Variants in TMEFF1 observed in about 807,000 individuals in gnomAD.
TMEFF1 encodes tomoregulin-1.
A neutral mutation model predicts 47.5 loss-of-function variants in TMEFF1; 20 were observed. The observed-to-expected ratio is 0.42, with a 90% CI of 0.30 to 0.61. TMEFF1 has a LOEUF of 0.61. TMEFF1 is among the 20% of genes least tolerant of loss of function. TMEFF1 has a pLI of 0.19. For missense variants in TMEFF1, 411 were observed against 471.1 expected, an observed-to-expected ratio of 0.87 and a Z score of 1.18; for synonymous variants, 162 against 166.3, an observed-to-expected ratio of 0.97 and a Z score of 0.20.
chr9:100,543,107 T>C (rs1055853687), intron 5 of TMEFF1, among the ~76,000 whole-genome samples: 1 of 152,126 alleles, frequency 6.6e-6, no homozygotes, highest in South Asian at 2.1e-4. Context: ...TTTGTATTTT[T>C]AGTAGAGACA....
intron 1 of TMEFF1, among the ~76,000 whole-genome samples, chr9:100,482,290 C>T (rs1300501684): frequency 1.3e-5 from 2 of 151,930 alleles, no homozygotes; most frequent in Non-Finnish European, 2.9e-5. Context: ...CTCCACCTCC[C>T]AGGTTCAAGC....
intron 5 of TMEFF1, among the ~76,000 whole-genome samples, chr9:100,547,475 A>G (rs1838757404): frequency 6.6e-6 from 1 of 152,184 alleles, no homozygotes; most frequent in Non-Finnish European, 1.5e-5. Context: ...AATTAATGTC[A>G]TTGATATTTG....
chr9:100,548,528 C>T (rs1195834448), intron 6 of TMEFF1, among the ~76,000 whole-genome samples: 1 of 152,206 alleles, frequency 6.6e-6, no homozygotes, highest in East Asian at 1.9e-4. Flanking sequence ...AATTTTCTTT[C>T]CCCAGTAATA....
In TMEFF1 at chr9:100,481,653, G is replaced by T. The variant is rs75193136; in HGVS notation, c.196+7913G>T. Among the ~76,000 whole-genome samples the T allele has an allele frequency of 2.4e-3, 360 of 152,300 alleles. 2 individuals are homozygous for T. Among genetic ancestry groups the T allele is most frequent in the African/African-American group, 8.1e-3 (338 of 41,564 alleles). ...GTTTTAGAAAACAAAGTCTGAAATTGGTGAAGATGGAATGGAGAAGGGAAG... is the reference window on the plus strand; with the variant it reads ...GTTTTAGAAAACAAAGTCTGAAATTTGTGAAGATGGAATGGAGAAGGGAAG... On this transcript the variant is annotated intron_variant, in intron 1 of 9. Coordinates refer to ENST00000374879, the MANE Select transcript of TMEFF1 (RefSeq NM_003692.5).
At chr9:100,520,244 C>G (rs977257692) in intron 5 of TMEFF1, among the ~76,000 whole-genome samples, 3 of 152,088 alleles carry the variant, frequency 2.0e-5, no homozygotes, top group African/African-American at 7.2e-5. Flanking sequence ...CCTGGGAGAT[C>G]TAGGCTGCAG....
At chr9:100,549,932 A>G (rs183949435) in intron 6 of TMEFF1, among the ~76,000 whole-genome samples, 163 bp from the exon 7 acceptor site, 1 of 152,344 alleles carries the variant, frequency 6.6e-6, no homozygotes. Context: ...CTAGAGGCCT[A>G]AGACAGAAAT....
intron 5 of TMEFF1, among the ~76,000 whole-genome samples, chr9:100,544,267 T>C (rs1374097470): frequency 1.3e-5 from 2 of 152,068 alleles, no homozygotes; most frequent in African/African-American, 2.4e-5. Flanking sequence ...TACTAGACAC[T>C]GGGCAATTTG....
chr9:100,516,956 G>A (rs1838085692), intron 5 of TMEFF1, among the ~76,000 whole-genome samples, 185 bp downstream of exon 5: 1 of 152,084 alleles, frequency 6.6e-6, no homozygotes, highest in Non-Finnish European at 1.5e-5. Flanking sequence ...ATCAGTTTAA[G>A]TGTTATAATT....
intron 5 of TMEFF1, among the ~76,000 whole-genome samples, chr9:100,535,177 T>G (rs1436520692): frequency 6.6e-6 from 1 of 152,204 alleles, no homozygotes; most frequent in Non-Finnish European, 1.5e-5. Context: ...AATAGTGCCT[T>G]TATTCCAGGT....
Position 100,473,228 on chromosome 9 carries a change from C to T in TMEFF1, c.-317C>T, listed in dbSNP as rs1837148873. ...AGCAAGAGGCTGGGCCTGCCTCCGGCCCGCGACCCCCGCCCGCCGCGCGCG... is the reference window on the plus strand; with the variant it reads ...AGCAAGAGGCTGGGCCTGCCTCCGGTCCGCGACCCCCGCCCGCCGCGCGCG... On this transcript the variant is annotated 5_prime_UTR_variant, in exon 1 of 10. Transcript: ENST00000374879. This position sits in a 1 kb window ranked among gnomAD's most constrained non-coding sequence, Gnocchi z 5.4. 6.7e-6 allele frequency: 1 copy of T among 149,628 alleles called. No individual in the cohort carries two copies. Among genetic ancestry groups the T allele is most frequent in the Non-Finnish European group, 1.5e-5 (1 of 66,772 alleles). The allele number at this position is 149,628 out of a possible 1,614,324, so 9.3% of individuals were successfully genotyped here. A position where few individuals can be genotyped will look rare whatever the true frequency, so the allele number is the denominator to read the frequency against.
intron 5 of TMEFF1, among the ~76,000 whole-genome samples, chr9:100,523,549 G>A (rs982012246): frequency 2.6e-5 from 4 of 152,210 alleles, no homozygotes; most frequent in Admixed American, 2.0e-4. Flanking sequence ...GCTGCTTACA[G>A]GGTGGTTGTA....
chr9:100,506,161 G>A (rs60682526), intron 2 of TMEFF1, among the ~76,000 whole-genome samples: 2,250 of 152,268 alleles, frequency 0.015, 49 homozygotes, highest in African/African-American at 0.051. Flanking sequence ...GTGGTAGCAT[G>A]CCATATGTAT....
At chr9:100,540,789 T>C (rs1257666151) in intron 5 of TMEFF1, among the ~76,000 whole-genome samples, 4 of 152,240 alleles carry the variant, frequency 2.6e-5, no homozygotes, top group Non-Finnish European at 5.9e-5. Context: ...TGGTATCTCA[T>C]TGTGATTTTA....
intron 5 of TMEFF1, among the ~76,000 whole-genome samples, chr9:100,545,205 G>A (rs994290421): frequency 2.0e-5 from 3 of 152,174 alleles, no homozygotes; most frequent in Non-Finnish European, 4.4e-5. Context: ...TCCCTTCCAC[G>A]CTGCCCTAGC....
intron 2 of TMEFF1, among the ~76,000 whole-genome samples, chr9:100,506,666 C>G (rs1837868785): frequency 2.0e-5 from 3 of 149,884 alleles, no homozygotes; most frequent in Admixed American, 1.3e-4. Context: ...ACTCGGGAGG[C>G]TGAGGCAGGA....
chr9:100,502,089 G>T (rs1038165025), intron 2 of TMEFF1, among the ~76,000 whole-genome samples: 1 of 152,128 alleles, frequency 6.6e-6, no homozygotes, highest in African/African-American at 2.4e-5. Flanking sequence ...TTTCCTTCTA[G>T]AAGTATTTTG....
chr9:100,516,838 A>G, intron 5 of TMEFF1, 67 bp downstream of exon 5: 2 of 1,547,644 alleles, frequency 1.3e-6, no homozygotes, highest in Admixed American at 2.1e-5. Flanking sequence ...TATATTGTGG[A>G]AAGGTATCAT....
intron 1 of TMEFF1, among the ~76,000 whole-genome samples, chr9:100,474,281 A>T (rs1837179490): frequency 6.8e-6 from 1 of 146,504 alleles, no homozygotes; most frequent in Admixed American, 6.7e-5. Context: ...GATAAAGGGA[A>T]CGGGTTGTCT....
At chr9:100,527,242 G>C (rs920313651) in intron 5 of TMEFF1, among the ~76,000 whole-genome samples, 1 of 152,320 alleles carries the variant, frequency 6.6e-6, no homozygotes, top group East Asian at 1.9e-4. Context: ...GAGGAGCCAA[G>C]ATGGCCGAAT....
Sources: gnomAD v4.1 joint callset for allele counts (sites outside exome capture counted in the v4.1 genomes callset) on GRCh38, gnomAD v4.1.1 for gene constraint, Gnocchi (gnomAD v3.1) non-coding constraint, MANE v1.5 for transcripts, NCBI Gene and HGNC (gene_info 2026-07-23, HGNC 2026-07-21) for gene names.